Variants in MAT1A observed in about 807,000 individuals in gnomAD.
MAT1A encodes the protein S-adenosylmethionine synthase isoform type-1.
A neutral mutation model predicts 44.0 loss-of-function variants in MAT1A; 19 were observed. The observed-to-expected ratio is 0.43, with a 90% CI of 0.30 to 0.63. MAT1A has a LOEUF of 0.63. MAT1A is among the 30% of genes least tolerant of loss of function. MAT1A has a pLI of 0.12. For synonymous variants in MAT1A, 205 were observed against 205.6 expected (o/e 1.00, Z 0.03); for missense variants, 397 against 531.0 (o/e 0.75, Z 2.48).
rs1841427476 is a variant in MAT1A, at chr10:80,272,780, A to G, written c.*1001T>C. 1 of 149,812 alleles carries G rather than the reference A, an allele frequency of 6.7e-6. No individual in the cohort carries two copies. 9.3% of individuals were successfully genotyped at this position (149,812 alleles called of 1,614,324 possible). ...TGAGTGGTCAGGGGGCTGGGATTCT[A>G]AAGCTGCTGGTCAGTCCCTAACTCC... On this transcript the variant is annotated 3_prime_UTR_variant, in exon 9 of 9. Coordinates refer to ENST00000372213, the MANE Select transcript of MAT1A (RefSeq NM_000429.3).
intron 3 of MAT1A, among the ~76,000 whole-genome samples, chr10:80,282,573 G>A (rs868231173): frequency 1.3e-5 from 2 of 152,190 alleles, no homozygotes; most frequent in Non-Finnish European, 2.9e-5. Context: ...CAGGCTCCGT[G>A]TGGTAACGCC....
At chr10:80,284,929 T>C (rs1841622593) in intron 2 of MAT1A, among the ~76,000 whole-genome samples, 1 of 152,260 alleles carries the variant, frequency 6.6e-6, no homozygotes, top group Non-Finnish European at 1.5e-5. Context: ...AGTACTTTAG[T>C]TTAACATTAA....
intron 5 of MAT1A, among the ~76,000 whole-genome samples, chr10:80,278,023 C>G (rs959442492): frequency 2.0e-5 from 3 of 152,190 alleles, no homozygotes; most frequent in Non-Finnish European, 4.4e-5. Flanking sequence ...GGGACCTAGA[C>G]AAGCTGTGCC....
chr10:80,283,392 C>A (rs1458277649), intron 3 of MAT1A, among the ~76,000 whole-genome samples: 1 of 152,256 alleles, frequency 6.6e-6, no homozygotes, highest in African/African-American at 2.4e-5. Context: ...CTGTCAGCAC[C>A]AGTTCTGGAC....
intron 2 of MAT1A, 70 bp from the exon 3 acceptor site, chr10:80,284,108 C>A: frequency 2.5e-5 from 40 of 1,582,882 alleles, no homozygotes; most frequent in Non-Finnish European, 3.4e-5. Context: ...CATTCCCAGA[C>A]CTCTCACAGT....
chr10:80,287,114 A>G (rs1841659811), intron 1 of MAT1A, among the ~76,000 whole-genome samples: 1 of 152,164 alleles, frequency 6.6e-6, no homozygotes, highest in African/African-American at 2.4e-5. Context: ...GAGTTCCTAG[A>G]AGCTTGCTGA....
Position 80,289,506 on chromosome 10 carries a change from T to TCTTCTG in MAT1A, c.-84_-83insCAGAAG, listed in dbSNP as rs908883024. Reference sequence around the variant, plus strand: ...TGCCTGAGTTTTTTTTTCTTCTTCTTCTTCTTCTTTCAACCCAACAGGCTT... The same window carrying TCTTCTG: ...TGCCTGAGTTTTTTTTTCTTCTTCTTCTTCTGCTTCTTCTTTCAACCCAACAGGCTT... On this transcript the variant is annotated 5_prime_UTR_variant, in exon 1 of 9. Coordinates refer to ENST00000372213, the MANE Select transcript of MAT1A (RefSeq NM_000429.3). The TCTTCTG allele has an allele frequency of 2.3e-5, 24 of 1,040,506 alleles. No individual in the cohort carries two copies. The highest frequency in any genetic ancestry group is 3.6e-5 in the Non-Finnish European group (24 of 663,966). The allele number at this position is 1,040,506 out of a possible 1,614,324, so 64.5% of individuals were successfully genotyped here. A position where few individuals can be genotyped will look rare whatever the true frequency, so the allele number is the denominator to read the frequency against.
At chr10:80,279,868 C>A (rs1459839743) in intron 5 of MAT1A, among the ~76,000 whole-genome samples, 2 of 151,934 alleles carry the variant, frequency 1.3e-5, no homozygotes, top group African/African-American at 4.8e-5. Flanking sequence ...AATATGGAAG[C>A]CAGTTAAGTA....
At position 80,273,704 on chromosome 10, in the gene MAT1A, G is replaced by C; in HGVS notation, c.*77C>G. 9.5e-7 allele frequency: 1 copy of C among 1,057,356 alleles called. No individual in the cohort carries two copies. The allele number at this position is 1,057,356 out of a possible 1,614,324, so 65.5% of individuals were successfully genotyped here. On this transcript the variant is annotated 3_prime_UTR_variant, in exon 9 of 9. Transcript: ENST00000372213. ...GGTTGGTGGGTGGGGAAGGCGATCAGCAGCCAGGCGTCTGGGGAAGAGGAG... is the reference window on the plus strand; with the variant it reads ...GGTTGGTGGGTGGGGAAGGCGATCACCAGCCAGGCGTCTGGGGAAGAGGAG...
chr10:80,288,154 C>T (rs1589484815), intron 1 of MAT1A, among the ~76,000 whole-genome samples: 1 of 152,166 alleles, frequency 6.6e-6, no homozygotes, highest in Admixed American at 6.5e-5. Flanking sequence ...TGAGGAAGAA[C>T]AAGAGCAAGG....
intron 3 of MAT1A, among the ~76,000 whole-genome samples, chr10:80,281,042 A>G (rs72809563): frequency 2.0e-5 from 3 of 152,254 alleles, no homozygotes; most frequent in Non-Finnish European, 4.4e-5. Context: ...GCTCAATTAG[A>G]CCTTGGTTAA....
intron 4 of MAT1A, 124 bp from the exon 5 acceptor site, chr10:80,280,440 C>A: frequency 7.9e-7 from 1 of 1,261,468 alleles, no homozygotes; most frequent in Non-Finnish European, 1.1e-6. Flanking sequence ...GAGCTTTCCA[C>A]TGGCATGTGC....
chr10:80,279,400 G>A (rs1435390548), intron 5 of MAT1A, among the ~76,000 whole-genome samples: 6 of 152,040 alleles, frequency 3.9e-5, no homozygotes, highest in African/African-American at 1.4e-4. Context: ...TGCTTGGAGG[G>A]TGATCAGAGA....
chr10:80,274,662 A>C lies in MAT1A; in HGVS notation c.952-9T>G, dbSNP rs886047320. 41 of 1,614,036 alleles carry C rather than the reference A, an allele frequency of 2.5e-5. No individual in the cohort carries two copies. The highest frequency in any genetic ancestry group is 3.1e-5 in the Non-Finnish European group (36 of 1,180,016). The stretch of plus-strand genomic sequence containing the variant: ...CCAATGGCATAGGAAACCTTCCAGC[A>C]AGGTGCAGCGTCAGGGATTGAAGCC... On this transcript the variant is annotated splice_polypyrimidine_tract_variant and intron_variant, in intron 7 of 8. Transcript: ENST00000372213.
chr10:80,283,799 T>C (rs1841601636), intron 3 of MAT1A, 117 bp downstream of exon 3: 1 of 1,496,316 alleles, frequency 6.7e-7, no homozygotes, highest in African/African-American at 1.4e-5. Flanking sequence ...GTAGGAGTGT[T>C]TTCCTCCTGG....
Position 80,276,458 on chromosome 10 carries a change from G to C in MAT1A, c.686C>G (p.Ala229Gly). ...RRALKEQVIR[A>G]VVPAKYLDED... Reference sequence around the variant, plus strand: ...GTCCAGGTACTTGGCCGGCACCACGGCCCTGATGACTTGCTCCTTCAGGGC... The same window carrying C: ...GTCCAGGTACTTGGCCGGCACCACGCCCCTGATGACTTGCTCCTTCAGGGC... The change falls in exon 6 of 9, where the codon GCC becomes GGC. Residue 229 changes from alanine (A) to glycine (G), a missense_variant. Transcript: ENST00000372213. 1 of 1,614,198 alleles carries C rather than the reference G, an allele frequency of 6.2e-7. No individual in the cohort carries two copies. Among genetic ancestry groups the C allele is most frequent in the Non-Finnish European group, 8.5e-7 (1 of 1,180,048 alleles).
intron 3 of MAT1A, 46 bp from the exon 4 acceptor site, chr10:80,280,838 AG>A: frequency 7.1e-7 from 1 of 1,412,478 alleles, no homozygotes; most frequent in Non-Finnish European, 1.0e-6. Context: ...GGTCAGAAGG[AG>A]GGGGCCACAA....
intron 1 of MAT1A, among the ~76,000 whole-genome samples, chr10:80,288,783 A>T (rs1049545484): frequency 5.4e-5 from 8 of 147,272 alleles, no homozygotes; most frequent in Non-Finnish European, 1.2e-4. Context: ...AAGCTTTCCT[A>T]AAAAAAAAAT....
In MAT1A at chr10:80,275,023, A is replaced by T; in HGVS notation, c.945T>A (p.Leu315=). The T allele has an allele frequency of 6.4e-7, 1 of 1,552,586 alleles. No individual in the cohort carries two copies. ...LVKAGLCRRV[L]VQVSYAIGVA... ...GTGGGTGGAGGGGGCTTACCTGGAC[A>T]AGCACTCTCCGGCAGAGCCCTGCTT... The change falls in exon 7 of 9, where the codon CTT becomes CTA. Residue 315 remains leucine (L), a synonymous_variant. Transcript: ENST00000372213.
Sources: allele counts gnomAD v4.1 joint callset (sites outside exome capture counted in the v4.1 genomes callset), GRCh38; gene constraint gnomAD v4.1.1; transcripts MANE v1.5; gene names NCBI Gene and HGNC (gene_info 2026-07-23, HGNC 2026-07-21).